STK36: variants seen among roughly 807,000 people sequenced by gnomAD.
STK36 encodes serine/threonine kinase 36.
Under a neutral mutation model 142.2 loss-of-function variants are expected in STK36, and 116 were observed. The ratio of observed to expected loss-of-function variants is 0.82; its 90% CI spans 0.70 to 0.95. STK36 has a LOEUF of 0.95. Among genes scored for constraint, STK36 ranks in the 40% least tolerant of loss-of-function variants. The probability of loss-of-function intolerance (pLI) is 0.00; values close to 1 mark genes in which losing one functional copy is unlikely to be tolerated. For missense variants in STK36, 1,422 were observed against 1,617.2 expected, an observed-to-expected ratio of 0.88 and a Z score of 2.07; for synonymous variants, 619 against 641.7, an observed-to-expected ratio of 0.96 and a Z score of 0.53.
chr2:218,693,872 G>A, intron 18 of STK36, 23 bp from the exon 19 acceptor site: 1 of 1,614,234 alleles, frequency 6.2e-7, no homozygotes, highest in Non-Finnish European at 8.5e-7. Context: ...AGGTTGTTCT[G>A]ATATCTTAGG....
chr2:218,673,580 T>C (rs1442563369), intron 2 of STK36, 45 bp from the exon 3 acceptor site: 6 of 1,573,870 alleles, frequency 3.8e-6, no homozygotes, highest in Non-Finnish European at 5.2e-6. Flanking sequence ...CTAGATCTTT[T>C]CAGTAGTGTG....
chr2:218,676,506 G>A (rs1412725619), intron 6 of STK36, among the ~76,000 whole-genome samples: 1 of 152,132 alleles, frequency 6.6e-6, no homozygotes, highest in African/African-American at 2.4e-5. Flanking sequence ...GTACAGGAAG[G>A]ATGGCTGGGG....
chr2:218,673,757 G>A lies in STK36; in HGVS notation c.217G>A (p.Asp73Asn). The A allele has an allele frequency of 6.2e-7, 1 of 1,613,954 alleles. No individual in the cohort carries two copies. The highest frequency in any genetic ancestry group is 1.1e-5 in the South Asian group (1 of 91,044). Reference sequence around the variant, plus strand: ...GCATATGCTTGACAGCTTTGAAACTGATAAAGAGGTGTGCTTTGACAGTTT... The same window carrying A: ...GCATATGCTTGACAGCTTTGAAACTAATAAAGAGGTGTGCTTTGACAGTTT... ...IVHMLDSFET[D>N]KEVVVVTDYA... The change falls in exon 3 of 27, where the codon GAT becomes AAT. Residue 73 changes from aspartate to asparagine, a missense_variant. Transcript: ENST00000295709.
chr2:218,675,542 G>C, intron 5 of STK36, 69 bp downstream of exon 5: 1 of 942,542 alleles, frequency 1.1e-6, no homozygotes, highest in East Asian at 3.3e-5. Flanking sequence ...TTTTTTTTTT[G>C]AGATGGAGTT....
In STK36 at chr2:218,694,435, TGGACCA is replaced by T; in HGVS notation, c.2401-85_2401-80del. On this transcript the variant is annotated intron_variant, in intron 20 of 26. Transcript: ENST00000295709. This position sits in a 1 kb window ranked among gnomAD's most constrained non-coding sequence, Gnocchi z 4.4. Reference sequence around the variant, plus strand: ...GCATCTGTTTCTGGAGGCATTCTTTTGGACCAGGACAGAGACATAAATCCTCTCTGC... The same window carrying T: ...GCATCTGTTTCTGGAGGCATTCTTTTGGACAGAGACATAAATCCTCTCTGC... 1 of 1,526,408 alleles carries T rather than the reference TGGACCA, an allele frequency of 6.6e-7. No individual in the cohort carries two copies. The highest frequency in any genetic ancestry group is 9.1e-7 in the Non-Finnish European group (1 of 1,100,908). The allele number at this position is 1,526,408 out of a possible 1,614,324, so 94.6% of individuals were successfully genotyped here. A position where few individuals can be genotyped will look rare whatever the true frequency, so the allele number is the denominator to read the frequency against.
intron 10 of STK36, among the ~76,000 whole-genome samples, chr2:218,682,541 G>A (rs1186682526): frequency 6.6e-6 from 1 of 152,104 alleles, no homozygotes; most frequent in Non-Finnish European, 1.5e-5. Flanking sequence ...TGTGCGTTAT[G>A]AAAATTTTTT....
rs999264642 is a variant in STK36 at position 218,697,914 on chromosome 2, C to A, written c.2970C>A (p.Phe990Leu). ...TCTCTGTCTGCCAGCTCCTTTGCTTCCCCTTTGCGCTGGACATGGATGCTG... is the reference window on the plus strand; with the variant it reads ...TCTCTGTCTGCCAGCTCCTTTGCTTACCCTTTGCGCTGGACATGGATGCTG... ...VVLSVCQLLC[F>L]PFALDMDADL... The change falls in exon 25 of 27, where the codon TTC becomes TTA. Residue 990 changes from phenylalanine (F) to leucine (L), a missense_variant. Transcript: ENST00000295709. 2 of 1,614,068 alleles carry A rather than the reference C, an allele frequency of 1.2e-6. No homozygotes were observed. The highest frequency in any genetic ancestry group is 1.7e-6 in the Non-Finnish European group (2 of 1,180,044).
rs930182029 is a variant in STK36, at chr2:218,699,215, T to C, written c.3671T>C (p.Leu1224Ser). Reference protein sequence around the residue: ...SALGNLGPEGLGEELLQCEVP... With the variant: ...SALGNLGPEGSGEELLQCEVP... The stretch of plus-strand genomic sequence containing the variant: ...CTGGGCAACTTGGGACCTGAAGGTT[T>C]GGGAGAGGAGCTGTTACAGTGCGAA... Residue 1224 changes from leucine to serine, a missense_variant, in exon 26 of 27, where the codon TTG (leucine) becomes TCG (serine). Around this residue, in one of 2 missense-constraint regions of STK36, gnomAD observed 962 missense variants for 1,167.5 expected, o/e 0.82. Coordinates refer to ENST00000295709, the MANE Select transcript of STK36 (RefSeq NM_015690.5). 6.2e-7 allele frequency: 1 copy of C among 1,613,942 alleles called. No homozygotes were observed. The highest frequency in any genetic ancestry group is 8.5e-7 in the Non-Finnish European group (1 of 1,180,004).
At chr2:218,699,746 G>T (rs1941375941) in intron 26 of STK36, among the ~76,000 whole-genome samples, 1 of 152,036 alleles carries the variant, frequency 6.6e-6, no homozygotes, top group African/African-American at 2.4e-5. Flanking sequence ...TTATTATCTG[G>T]TTTAAACTAT....
intron 10 of STK36, among the ~76,000 whole-genome samples, chr2:218,684,437 T>TTTTTTTTTTTC (rs1940686656): frequency 7.5e-6 from 1 of 133,670 alleles, no homozygotes; most frequent in Non-Finnish European, 1.5e-5. Flanking sequence ...TTTTTTTTTT[T>TTTTTTTTTTTC]TGAGACAGAG....
chr2:218,696,320 C>T lies in STK36; in HGVS notation c.2512-207C>T, dbSNP rs182978480. Among the ~76,000 whole-genome samples, 783 of 152,334 alleles carry T rather than the reference C, an allele frequency of 5.1e-3. 5 individuals carry two copies. The highest frequency in any genetic ancestry group is 8.9e-3 in the Non-Finnish European group (608 of 68,034). ...ATAGCACTAACACTCATCCAGAAGT[C>T]TAAGTCAGAACTTTGGGAGTCATCA... On this transcript the variant is annotated intron_variant, in intron 21 of 26. Transcript: ENST00000295709.
At chr2:218,700,211 CTT>C (rs1214033393) in intron 26 of STK36, among the ~76,000 whole-genome samples, 1 of 145,416 alleles carries the variant, frequency 6.9e-6, no homozygotes, top group African/African-American at 2.5e-5. Flanking sequence ...GTGAGCCACT[CTT>C]TTTTTTTTTG....
chr2:218,678,250 T>A (rs973933459), intron 6 of STK36, among the ~76,000 whole-genome samples: 3 of 152,148 alleles, frequency 2.0e-5, no homozygotes, highest in South Asian at 4.1e-4. Flanking sequence ...GCACCCAACC[T>A]TCTTTTATTT....
At chr2:218,681,299 G>A (rs926509663) in intron 10 of STK36, among the ~76,000 whole-genome samples, 1 of 151,868 alleles carries the variant, frequency 6.6e-6, no homozygotes, top group Non-Finnish European at 1.5e-5. Context: ...GCTAATTTTG[G>A]TATTTTTAAT....
chr2:218,680,675 C>T lies in STK36; in HGVS notation c.1209C>T (p.Ser403=). The part of the protein sequence containing the change: ...EERPEVLGQR[S]TDVVDLENEE... ...GGCCAGAGGTGCTGGGCCAGCGGAGCACTGATGTAGTGGACCTGGAAAATG... is the reference window on the plus strand; with the variant it reads ...GGCCAGAGGTGCTGGGCCAGCGGAGTACTGATGTAGTGGACCTGGAAAATG... Residue 403 remains serine (S), a synonymous_variant, in exon 10 of 27, where the codon AGC becomes AGT. Transcript: ENST00000295709. 1.9e-6 allele frequency: 3 copies of T among 1,613,164 alleles called. No homozygotes were observed. The highest frequency in any genetic ancestry group is 8.5e-7 in the Non-Finnish European group (1 of 1,179,720).
intron 26 of STK36, among the ~76,000 whole-genome samples, chr2:218,700,876 G>T (rs1227554376): frequency 6.6e-6 from 1 of 151,160 alleles, no homozygotes; most frequent in Non-Finnish European, 1.5e-5. Flanking sequence ...GCTGGGTGTG[G>T]TGGCAGGCGC....
At chr2:218,692,065 C>A in intron 14 of STK36, 78 bp from the exon 15 acceptor site, 1 of 1,532,080 alleles carries the variant, frequency 6.5e-7, no homozygotes, top group Non-Finnish European at 8.8e-7. Flanking sequence ...TTCCTCAGAT[C>A]CTCAGGGTTT....
Position 218,672,845 on chromosome 2 carries a change from G to A in STK36, c.16G>A (p.Val6Met), listed in dbSNP as rs1375981164. The A allele has an allele frequency of 6.2e-7, 1 of 1,614,068 alleles. No individual in the cohort carries two copies. Residue 6 changes from valine to methionine, a missense_variant, in exon 2 of 27, where the codon GTG becomes ATG. By Grantham distance (21) the Val-to-Met change is conservative (BLOSUM62 1). Around this residue, in one of 2 missense-constraint regions of STK36, gnomAD observed 460 missense variants for 449.6 expected, o/e 1.02. Transcript: ENST00000295709. MEKYHVLEMIGEGSFG... is the reference protein window; with the variant it reads MEKYHMLEMIGEGSFG... ...AACCTCTGTCATGGAAAAGTACCAC[G>A]TGTTGGAGATGATTGGAGAAGGCTC...
chr2:218,685,336 T>C, intron 11 of STK36, 108 bp downstream of exon 11: 1 of 1,444,578 alleles, frequency 6.9e-7, no homozygotes, highest in African/African-American at 1.4e-5. Flanking sequence ...TTTCCAGTTC[T>C]TCAGTCTATC....
Sources: allele counts gnomAD v4.1 joint callset (sites outside exome capture counted in the v4.1 genomes callset), GRCh38; gene constraint gnomAD v4.1.1; regional missense constraint gnomAD v4.1.1; non-coding constraint Gnocchi (gnomAD v3.1); transcripts MANE v1.5; gene names NCBI Gene and HGNC (gene_info 2026-07-23, HGNC 2026-07-21).